The following P2RY11 variants were observed in gnomAD, a reference collection of about 807,000 sequenced individuals.
The protein encoded by P2RY11 is purinergic receptor P2Y11, also known as P2Y purinoceptor 11.
P2RY11 carries 3 observed loss-of-function variants against 2.4 expected under a neutral mutation model. The ratio of observed to expected loss-of-function variants is 1.22; its 90% CI spans 0.56 to 3.17. P2RY11 has a LOEUF of 3.17. Among genes scored for constraint, P2RY11 ranks in the 30% most tolerant of loss-of-function variants. The pLI, the probability that P2RY11 is intolerant of heterozygous loss-of-function variation, is 0.03. For missense variants in P2RY11, 670 were observed against 528.2 expected, an observed-to-expected ratio of 1.27 and a Z score of -2.63; for synonymous variants, 307 against 237.3, an observed-to-expected ratio of 1.29 and a Z score of -2.70.
At chr19:10,112,761 C>T (rs1411329616) in intron 1 of P2RY11, among the ~76,000 whole-genome samples, 1 of 152,054 alleles carries the variant, frequency 6.6e-6, no homozygotes. Flanking sequence ...ATGGGGAAAC[C>T]CCATCTCTAC....
chr19:10,113,535 G>C, intron 1 of P2RY11, 98 bp from the exon 2 acceptor site: 1 of 1,507,864 alleles, frequency 6.6e-7, no homozygotes, highest in Non-Finnish European at 8.9e-7. Context: ...AAGAACTCGT[G>C]TCCAGGGATC....
In P2RY11 at chr19:10,115,231, A is replaced by G; in HGVS notation, c.*493A>G. 4 of 1,461,074 alleles carry G rather than the reference A, an allele frequency of 2.7e-6. No individual in the cohort carries two copies. The South Asian group carries it at 3.8e-5, about 14-fold the overall frequency. 90.5% of individuals were successfully genotyped at this position (1,461,074 alleles called of 1,614,324 possible). A position where few individuals can be genotyped will look rare whatever the true frequency, so the allele number is the denominator to read the frequency against. On this transcript the variant is annotated 3_prime_UTR_variant, in exon 2 of 2. Coordinates refer to ENST00000321826, the MANE Select transcript of P2RY11 (RefSeq NM_002566.5). Reference sequence around the variant, plus strand: ...GGGTGGGTGGGCAGAGGACGGGGTAATGTGAGGACGAAGCGGGCACGGAGC... The same window carrying G: ...GGGTGGGTGGGCAGAGGACGGGGTAGTGTGAGGACGAAGCGGGCACGGAGC...
Position 10,115,180 on chromosome 19 carries a change from C to T in P2RY11, c.*442C>T. 1.2e-6 allele frequency: 2 copies of T among 1,607,010 alleles called. No homozygotes were observed. Among genetic ancestry groups the T allele is most frequent in the South Asian group, 1.1e-5 (1 of 90,258 alleles). The stretch of plus-strand genomic sequence containing the variant: ...TAAGACTTCTGGGGGCACCCCAAGA[C>T]CCCAGACACCCAAGTGGCATCTTGG... On this transcript the variant is annotated 3_prime_UTR_variant, in exon 2 of 2. Coordinates refer to ENST00000321826, the MANE Select transcript of P2RY11 (RefSeq NM_002566.5).
rs1167377088 is a variant in P2RY11, at chr19:10,113,702, T to G, written c.89T>G (p.Phe30Cys). 1 of 1,611,086 alleles carries G rather than the reference T, an allele frequency of 6.2e-7. No homozygotes were observed. Among genetic ancestry groups the G allele is most frequent in the East Asian group, 2.2e-5 (1 of 44,748 alleles). The change falls in exon 2 of 2, where the codon TTC becomes TGC. Residue 30 changes from phenylalanine (F) to cysteine (C), a missense_variant. Coordinates refer to ENST00000321826, the MANE Select transcript of P2RY11 (RefSeq NM_002566.5). ...DDKLSGFQGDFLWPILVVEFL... is the reference protein window; with the variant it reads ...DDKLSGFQGDCLWPILVVEFL... Reference sequence around the variant, plus strand: ...AAACTCAGTGGGTTCCAGGGGGACTTCCTGTGGCCCATACTGGTGGTTGAG... The same window carrying G: ...AAACTCAGTGGGTTCCAGGGGGACTGCCTGTGGCCCATACTGGTGGTTGAG...
Position 10,111,752 on chromosome 19 carries a change from G to A in P2RY11, c.19+12G>A. 1 of 1,613,470 alleles carries A rather than the reference G, an allele frequency of 6.2e-7. No homozygotes were observed. Among genetic ancestry groups the A allele is most frequent in the Non-Finnish European group, 8.5e-7 (1 of 1,179,724 alleles). ...AGCCAACGTCTCGGGTAAGGAGAAGGCATGTTGGCTGTCTCTGGGGGTCTG... is the reference window on the plus strand; with the variant it reads ...AGCCAACGTCTCGGGTAAGGAGAAGACATGTTGGCTGTCTCTGGGGGTCTG... On this transcript the variant is annotated intron_variant, in intron 1 of 1. Transcript: ENST00000321826.
rs1317206606 is a variant in P2RY11 at position 10,113,733 on chromosome 19, G to A, written c.120G>A (p.Leu40=). The A allele has an allele frequency of 1.2e-6, 2 of 1,613,988 alleles. No individual in the cohort carries two copies. The change falls in exon 2 of 2, where the codon CTG becomes CTA. Residue 40 remains leucine, a synonymous_variant. Transcript: ENST00000321826. ...FLWPILVVEF[L]VAVASNGLAL... ...GGCCCATACTGGTGGTTGAGTTCCT[G>A]GTGGCCGTGGCCAGCAATGGCCTGG...
chr19:10,114,817 C>A lies in P2RY11; in HGVS notation c.*79C>A. On this transcript the variant is annotated 3_prime_UTR_variant, in exon 2 of 2. Coordinates refer to ENST00000321826, the MANE Select transcript of P2RY11 (RefSeq NM_002566.5). ...GGGCAGGGCCCGAGCCCCGACACAT[C>A]CCTTCCCCCAAAAAGCAACACCTGT... 3 of 1,523,466 alleles carry A rather than the reference C, an allele frequency of 2.0e-6. No individual in the cohort carries two copies. The highest frequency in any genetic ancestry group is 2.6e-5 in the South Asian group (2 of 77,632). The allele number at this position is 1,523,466 out of a possible 1,614,324, so 94.4% of individuals were successfully genotyped here. A position where few individuals can be genotyped will look rare whatever the true frequency, so the allele number is the denominator to read the frequency against.
Position 10,114,197 on chromosome 19 carries a change from C to T in P2RY11, c.584C>T (p.Ala195Val). The T allele has an allele frequency of 6.2e-7, 1 of 1,600,664 alleles. No homozygotes were observed. Among genetic ancestry groups the T allele is most frequent in the Non-Finnish European group, 8.5e-7 (1 of 1,179,504 alleles). ...PEACIKCLGT[A>V]DHGLAAYRAY... The stretch of plus-strand genomic sequence containing the variant: ...GCCTGCATCAAGTGTCTGGGGACAG[C>T]AGACCACGGGCTGGCGGCCTACAGA... The change falls in exon 2 of 2, where the codon GCA (alanine) becomes GTA (valine). Residue 195 changes from alanine to valine, a missense_variant. By Grantham distance (64) the Ala-to-Val change is moderately conservative. Transcript: ENST00000321826.
Position 10,115,360 on chromosome 19 carries a change from C to G in P2RY11, c.*622C>G. 1 of 1,245,132 alleles carries G rather than the reference C, an allele frequency of 8.0e-7. No homozygotes were observed. Among genetic ancestry groups the G allele is most frequent in the Non-Finnish European group, 1.1e-6 (1 of 895,526 alleles). 77.1% of individuals were successfully genotyped at this position (1,245,132 alleles called of 1,614,324 possible). On this transcript the variant is annotated 3_prime_UTR_variant, in exon 2 of 2. Transcript: ENST00000321826. ...TTGGAAAAAAACAATAAAGGACTGT[C>G]CCCTCAAAACCAGCCGGGGGACTGT...
Position 10,115,210 on chromosome 19 carries a change from G to T in P2RY11, c.*472G>T. ...GACACCCAAGTGGCATCTTGGGGGT[G>T]GGTGGGCAGAGGACGGGGTAATGTG... On this transcript the variant is annotated 3_prime_UTR_variant, in exon 2 of 2. Coordinates refer to ENST00000321826, the MANE Select transcript of P2RY11 (RefSeq NM_002566.5). 6.4e-7 allele frequency: 1 copy of T among 1,561,002 alleles called. No individual in the cohort carries two copies. Among genetic ancestry groups the T allele is most frequent in the East Asian group, 2.3e-5 (1 of 44,200 alleles).
rs2089211289 is a variant in P2RY11, at chr19:10,114,908, C to A, written c.*170C>A. 7.1e-7 allele frequency: 1 copy of A among 1,399,732 alleles called. No homozygotes were observed. The highest frequency in any genetic ancestry group is 2.5e-5 in the East Asian group (1 of 40,362). 86.7% of individuals were successfully genotyped at this position (1,399,732 alleles called of 1,614,324 possible). A position where few individuals can be genotyped will look rare whatever the true frequency, so the allele number is the denominator to read the frequency against. On this transcript the variant is annotated 3_prime_UTR_variant, in exon 2 of 2. Transcript: ENST00000321826. ...GCAGTCGCCTTTCCCACCCACAGCG[C>A]TGGCCACAGGGCTCCCTGCAGGGTC... is the stretch of plus-strand genomic sequence containing the variant.
chr19:10,113,228 G>A (rs535577150), intron 1 of P2RY11, among the ~76,000 whole-genome samples: 6 of 152,324 alleles, frequency 3.9e-5, no homozygotes, highest in African/African-American at 9.6e-5. Context: ...GGGCGGCGGC[G>A]GGTGCCAAGG....
In P2RY11 at chr19:10,114,313, C is replaced by T. The variant is rs1344170539; in HGVS notation, c.700C>T (p.Arg234Cys). The T allele has an allele frequency of 1.7e-5, 27 of 1,598,716 alleles. No homozygotes were observed. The highest frequency in any genetic ancestry group is 2.7e-5 in the African/African-American group (2 of 74,856). The change falls in exon 2 of 2, where the codon CGC becomes TGC. Residue 234 changes from arginine (R) to cysteine (C), a missense_variant. Transcript: ENST00000321826. The stretch of plus-strand genomic sequence containing the variant: ...CGGCGCCCTCGGGCGGGCCGTGCTA[C>T]GCAGCCCAGGCATGACTGTGGCCGA... ...AYGALGRAVL[R>C]SPGMTVAEKL...
chr19:10,115,032 T>C lies in P2RY11; in HGVS notation c.*294T>C. ...AACCAAGTAGAGAGAGTGGAGCTGCTTTATTGCCCTTGGAGCCCGCGCTCT... is the reference window on the plus strand; with the variant it reads ...AACCAAGTAGAGAGAGTGGAGCTGCCTTATTGCCCTTGGAGCCCGCGCTCT... On this transcript the variant is annotated 3_prime_UTR_variant, in exon 2 of 2. Transcript: ENST00000321826. 3 of 1,590,786 alleles carry C rather than the reference T, an allele frequency of 1.9e-6. No homozygotes were observed. Among genetic ancestry groups the C allele is most frequent in the Non-Finnish European group, 2.6e-6 (3 of 1,164,100 alleles).
Position 10,114,485 on chromosome 19 carries a change from C to T in P2RY11, c.872C>T (p.Ala291Val). 1 of 1,611,102 alleles carries T rather than the reference C, an allele frequency of 6.2e-7. No homozygotes were observed. The highest frequency in any genetic ancestry group is 8.5e-7 in the Non-Finnish European group (1 of 1,178,714). ...RCPSFADIAQ[A>V]TAALELGPYV... Reference sequence around the variant, plus strand: ...CCGAGCTTTGCAGACATAGCCCAGGCCACAGCAGCCCTGGAGCTGGGGCCC... The same window carrying T: ...CCGAGCTTTGCAGACATAGCCCAGGTCACAGCAGCCCTGGAGCTGGGGCCC... The change falls in exon 2 of 2, where the codon GCC (alanine) becomes GTC (valine). Residue 291 changes from alanine (A) to valine (V), a missense_variant. Coordinates refer to ENST00000321826, the MANE Select transcript of P2RY11 (RefSeq NM_002566.5).
chr19:10,112,436 A>G (rs1367623098), intron 1 of P2RY11: 1 of 152,462 alleles, frequency 6.6e-6, no homozygotes, highest in Non-Finnish European at 1.5e-5. Flanking sequence ...CACTGTGGTG[A>G]GCACTGGCAC....
rs756494269 is a variant in P2RY11 at position 10,114,571 on chromosome 19, C to T, written c.958C>T (p.Leu320Phe). 1.1e-5 allele frequency: 18 copies of T among 1,613,692 alleles called. No individual in the cohort carries two copies. The African/African-American group carries it at 1.7e-4, about 16-fold the overall frequency. The change falls in exon 2 of 2, where the codon CTC (leucine) becomes TTC (phenylalanine). Residue 320 changes from leucine (L) to phenylalanine (F), a missense_variant. By Grantham distance (22) the Leu-to-Phe change is conservative (BLOSUM62 0). Transcript: ENST00000321826. ...MPLAFCVHPL[L>F]YMAAVPSLGC... ...CCTGGCCTTCTGTGTCCACCCTCTA[C>T]TCTACATGGCCGCAGTGCCCAGCCT...
Position 10,113,877 on chromosome 19 carries a change from C to T in P2RY11, c.264C>T (p.Tyr88=), listed in dbSNP as rs201924216. ...CALTLPPLAA[Y]LYPPKHWRYG... is the part of the protein sequence containing the mutation. ...TGACGCTGCCCCCGCTGGCCGCCTA[C>T]CTCTATCCCCCCAAGCACTGGCGCT... Residue 88 remains tyrosine (Y), a synonymous_variant, in exon 2 of 2, where the codon TAC becomes TAT. Coordinates refer to ENST00000321826, the MANE Select transcript of P2RY11 (RefSeq NM_002566.5). 1 of 1,609,994 alleles carries T rather than the reference C, an allele frequency of 6.2e-7. No individual in the cohort carries two copies. Among genetic ancestry groups the T allele is most frequent in the Non-Finnish European group, 8.5e-7 (1 of 1,179,498 alleles).
At position 10,114,822 on chromosome 19, in the gene P2RY11, C is replaced by A. The variant is rs973062822; in HGVS notation, c.*84C>A. The stretch of plus-strand genomic sequence containing the variant: ...GGGCCCGAGCCCCGACACATCCCTT[C>A]CCCCAAAAAGCAACACCTGTGCTTG... On this transcript the variant is annotated 3_prime_UTR_variant, in exon 2 of 2. Coordinates refer to ENST00000321826, the MANE Select transcript of P2RY11 (RefSeq NM_002566.5). The A allele has an allele frequency of 4.6e-6, 7 of 1,518,974 alleles. No individual in the cohort carries two copies. The highest frequency in any genetic ancestry group is 6.2e-6 in the Non-Finnish European group (7 of 1,136,906). 94.1% of individuals were successfully genotyped at this position (1,518,974 alleles called of 1,614,324 possible).
Sources: gnomAD v4.1 joint callset for allele counts (sites outside exome capture counted in the v4.1 genomes callset) on GRCh38, gnomAD v4.1.1 for gene constraint, MANE v1.5 for transcripts, NCBI Gene and HGNC (gene_info 2026-07-23, HGNC 2026-07-21) for gene names.